Variants in STAG1 observed in about 807,000 individuals in gnomAD.
The protein encoded by STAG1 is STAG1 cohesin complex component, also known as cohesin subunit SA-1.
A neutral mutation model predicts 170.9 loss-of-function variants in STAG1; 26 were observed. The ratio of observed to expected loss-of-function variants is 0.15; its 90% CI spans 0.11 to 0.21. The LOEUF (loss-of-function observed/expected upper bound fraction) is 0.21, where lower values mean the gene tolerates loss of function less well. Among genes scored for constraint, STAG1 ranks in the 10% least tolerant of loss-of-function variants. The pLI is 1.00. For synonymous variants in STAG1, 514 were observed against 497.7 expected, an observed-to-expected ratio of 1.03 and a Z score of -0.44; for missense variants, 964 against 1,509.5, an observed-to-expected ratio of 0.64 and a Z score of 5.99.
chr3:136,421,737 T>C (rs536528667), intron 19 of STAG1, among the ~76,000 whole-genome samples: 1 of 152,196 alleles, frequency 6.6e-6, no homozygotes, highest in Non-Finnish European at 1.5e-5. Flanking sequence ...TAAGCAGGCA[T>C]CCTTAAAAGT....
At chr3:136,587,699 A>C (rs1937909980) in intron 4 of STAG1, among the ~76,000 whole-genome samples, 1 of 152,212 alleles carries the variant, frequency 6.6e-6, no homozygotes, top group Non-Finnish European at 1.5e-5. Context: ...TCATGTCTGT[A>C]ACCCCAGCAC....
chr3:136,469,346 A>T (rs1219041070), intron 12 of STAG1, among the ~76,000 whole-genome samples: 1 of 152,204 alleles, frequency 6.6e-6, no homozygotes, highest in African/African-American at 2.4e-5. Context: ...AGTAACAGAC[A>T]AACAGAGAGC....
At position 136,465,082 on chromosome 3, in the gene STAG1, A is replaced by C; in HGVS notation, c.1206-94T>G. 6.3e-6 allele frequency: 5 copies of C among 791,012 alleles called. No individual in the cohort carries two copies. In the South Asian group the frequency reaches 1.2e-4, roughly 20 times the overall value. 49.0% of individuals were successfully genotyped at this position (791,012 alleles called of 1,614,324 possible). On this transcript the variant is annotated intron_variant, in intron 12 of 33. Coordinates refer to ENST00000383202, the MANE Select transcript of STAG1 (RefSeq NM_005862.3). ...CTTGCTAAAGTTCATTATAAAGCTC[A>C]AGACTTAATAATTGTTGTCTCATCT...
At chr3:136,486,635 C>A (rs148402326) in intron 9 of STAG1, among the ~76,000 whole-genome samples, 46 of 152,252 alleles carry the variant, frequency 3.0e-4, no homozygotes, top group African/African-American at 1.1e-3. Context: ...AGGCTGAGGA[C>A]AAAGTCAATA....
intron 1 of STAG1, among the ~76,000 whole-genome samples, chr3:136,674,177 G>GGGAGGGAGGGAAGGAGGGAA (rs1476492353): frequency 1.5e-4 from 4 of 26,672 alleles, no homozygotes; most frequent in Non-Finnish European, 2.7e-4. Flanking sequence ...GAGGGAAGGA[G>GGGAGGGAGGGAAGGAGGGAA]GGAGGGAGGG....
At chr3:136,642,329 T>C (rs1021435209) in intron 1 of STAG1, among the ~76,000 whole-genome samples, 1 of 138,106 alleles carries the variant, frequency 7.2e-6, no homozygotes, top group Non-Finnish European at 1.5e-5. Flanking sequence ...TGGAGTACAG[T>C]AGCGCGATCT....
At chr3:136,389,698 T>G (rs2086957269) in intron 22 of STAG1, among the ~76,000 whole-genome samples, 1 of 152,078 alleles carries the variant, frequency 6.6e-6, no homozygotes, top group African/African-American at 2.4e-5. Flanking sequence ...TTTTGTATTT[T>G]TAGTAGAGAT....
At position 136,337,125 on chromosome 3, in the gene STAG1, C is replaced by CAAGGT. The variant is rs552106584; in HGVS notation, c.*1124_*1128dup. The CAAGGT allele has an allele frequency of 2.0e-5, 3 of 152,622 alleles. No individual in the cohort carries two copies. Among genetic ancestry groups the CAAGGT allele is most frequent in the Admixed American group, 6.5e-5 (1 of 15,268 alleles). 9.5% of individuals were successfully genotyped at this position (152,622 alleles called of 1,614,324 possible). A position where few individuals can be genotyped will look rare whatever the true frequency, so the allele number is the denominator to read the frequency against. On this transcript the variant is annotated 3_prime_UTR_variant, in exon 34 of 34. Transcript: ENST00000383202. ...TTAACACTGAAATGTAGCTGTAATT[C>CAAGGT]AAGGTAAGCTTAGGAACTTCACCCT...
At chr3:136,558,786 T>C (rs1936725647) in intron 5 of STAG1, among the ~76,000 whole-genome samples, 1 of 152,214 alleles carries the variant, frequency 6.6e-6, no homozygotes, top group African/African-American at 2.4e-5. Context: ...GAGCATTTTG[T>C]GCATGAATAC....
chr3:136,697,436 T>C (rs1434305245), intron 1 of STAG1, among the ~76,000 whole-genome samples: 2 of 152,168 alleles, frequency 1.3e-5, no homozygotes, highest in Non-Finnish European at 2.9e-5. Flanking sequence ...TAAAACAGTT[T>C]AAGAATCACT....
intron 22 of STAG1, among the ~76,000 whole-genome samples, chr3:136,389,935 G>A (rs1435968274): frequency 2.0e-5 from 3 of 150,920 alleles, no homozygotes; most frequent in East Asian, 2.0e-4. Context: ...GGGTTCCAGC[G>A]ATTCTTCTGC....
Position 136,363,271 on chromosome 3 carries a change from G to A in STAG1, c.2787+95C>T, listed in dbSNP as rs1364051281. ...TGACAAAATGATATAAAATGACCTAGTTTAAATGAGATGAGATACCTAGCA... is the reference window on the plus strand; with the variant it reads ...TGACAAAATGATATAAAATGACCTAATTTAAATGAGATGAGATACCTAGCA... On this transcript the variant is annotated intron_variant, in intron 26 of 33. Transcript: ENST00000383202. 3 of 651,650 alleles carry A rather than the reference G, an allele frequency of 4.6e-6. No homozygotes were observed. In the African/African-American group the frequency reaches 5.6e-5, roughly 12 times the overall value. 40.4% of individuals were successfully genotyped at this position (651,650 alleles called of 1,614,324 possible).
At chr3:136,620,942 T>A (rs916725609) in intron 3 of STAG1, among the ~76,000 whole-genome samples, 1 of 152,018 alleles carries the variant, frequency 6.6e-6, no homozygotes, top group East Asian at 1.9e-4. Flanking sequence ...AAGCACAACA[T>A]TGGTGAAACC....
At chr3:136,446,196 C>A (rs1465238400) in intron 14 of STAG1, among the ~76,000 whole-genome samples, 2 of 152,060 alleles carry the variant, frequency 1.3e-5, no homozygotes, top group African/African-American at 4.8e-5. Flanking sequence ...TAGATATTTG[C>A]CTTAAACATC....
chr3:136,620,360 G>A (rs1012536682), intron 3 of STAG1, among the ~76,000 whole-genome samples: 8 of 152,188 alleles, frequency 5.3e-5, no homozygotes, highest in Non-Finnish European at 1.0e-4. Flanking sequence ...ATAGGTACCT[G>A]AGGCAGGACT....
chr3:136,621,889 T>C (rs1939866859), intron 3 of STAG1, among the ~76,000 whole-genome samples: 1 of 151,434 alleles, frequency 6.6e-6, no homozygotes, highest in Non-Finnish European at 1.5e-5. Flanking sequence ...CCGAACTAGA[T>C]TTTAAATGTT....
chr3:136,707,850 C>T (rs1943269657), intron 1 of STAG1, among the ~76,000 whole-genome samples: 1 of 152,142 alleles, frequency 6.6e-6, no homozygotes, highest in African/African-American at 2.4e-5. Flanking sequence ...AAGGATCTGC[C>T]CTCATAACCC....
chr3:136,612,458 T>A (rs936050868), intron 3 of STAG1, among the ~76,000 whole-genome samples: 16 of 151,692 alleles, frequency 1.1e-4, no homozygotes, highest in African/African-American at 2.4e-4. Context: ...AATAAAAAAA[T>A]TTATCAATTG....
Position 136,473,653 on chromosome 3 carries a change from T to C in STAG1, c.1027-16A>G. On this transcript the variant is annotated splice_polypyrimidine_tract_variant and intron_variant, in intron 10 of 33. Coordinates refer to ENST00000383202, the MANE Select transcript of STAG1 (RefSeq NM_005862.3). ...CTTCCCCTTGCTTCAGAAATACAAATAAAAGCACAACAGAAGGAGTCAATT... is the reference window on the plus strand; with the variant it reads ...CTTCCCCTTGCTTCAGAAATACAAACAAAAGCACAACAGAAGGAGTCAATT... 1 of 1,592,742 alleles carries C rather than the reference T, an allele frequency of 6.3e-7. No homozygotes were observed. The highest frequency in any genetic ancestry group is 8.6e-7 in the Non-Finnish European group (1 of 1,163,088).
Sources: gnomAD v4.1 joint callset for allele counts (sites outside exome capture counted in the v4.1 genomes callset) on GRCh38, gnomAD v4.1.1 for gene constraint, MANE v1.5 for transcripts, NCBI Gene and HGNC (gene_info 2026-07-23, HGNC 2026-07-21) for gene names.